Variants in PDGFA observed in about 807,000 individuals in gnomAD.
The protein encoded by PDGFA is platelet-derived growth factor subunit A.
Under a neutral mutation model 25.6 loss-of-function variants are expected in PDGFA, and 9 were observed. The ratio of observed to expected loss-of-function variants is 0.35; its 90% CI spans 0.21 to 0.61. The LOEUF (loss-of-function observed/expected upper bound fraction) is 0.61. Among genes scored for constraint, PDGFA ranks in the 20% least tolerant of loss-of-function variants. The probability of loss-of-function intolerance (pLI) is 0.75; values close to 1 mark genes in which losing one functional copy is unlikely to be tolerated. For missense variants in PDGFA, 242 were observed against 272.8 expected (o/e 0.89, Z 0.79); for synonymous variants, 133 against 111.8 (o/e 1.19, Z -1.20).
chr7:518,197 C>T (rs879607932), intron 1 of PDGFA, among the ~76,000 whole-genome samples: 26 of 152,310 alleles, frequency 1.7e-4, no homozygotes, highest in Admixed American at 1.6e-3. Flanking sequence ...CGGAGACCAC[C>T]CTCACCTCTG....
intron 4 of PDGFA, among the ~76,000 whole-genome samples, chr7:506,973 C>T (rs998749187): frequency 6.6e-6 from 1 of 152,236 alleles, no homozygotes; most frequent in Non-Finnish European, 1.5e-5. Flanking sequence ...CCCCTCCCGG[C>T]CAGCCCCAAC....
Position 500,630 on chromosome 7 carries a change from C to T in PDGFA, c.580+486G>A, listed in dbSNP as rs1782287918. ...AGGCCAGCACCCTGGCACCGAGAAA[C>T]TTCTGAGTCCCCTCATGCTCCCAGG... is the stretch of plus-strand genomic sequence containing the variant. On this transcript the variant is annotated intron_variant, in intron 5 of 5. Coordinates refer to ENST00000402802, the Ensembl canonical transcript of PDGFA. This position sits in a 1 kb window ranked among gnomAD's most constrained non-coding sequence, Gnocchi z 5.0. The T allele has an allele frequency of 6.7e-7, 1 of 1,499,526 alleles. No individual in the cohort carries two copies. The highest frequency in any genetic ancestry group is 1.3e-5 in the South Asian group (1 of 77,330). The allele number at this position is 1,499,526 out of a possible 1,614,324, so 92.9% of individuals were successfully genotyped here.
intron 5 of PDGFA, 23 bp from the exon 6 acceptor site, chr7:498,597 G>T: frequency 6.2e-7 from 1 of 1,609,128 alleles, no homozygotes; most frequent in Non-Finnish European, 8.5e-7. Flanking sequence ...GGGAAAGACA[G>T]ACACTGAGAC....
At chr7:512,657 T>G in intron 2 of PDGFA, 1 of 1,511,648 alleles carries the variant, frequency 6.6e-7, no homozygotes, top group Admixed American at 2.0e-5. Context: ...ATGCAGGGCA[T>G]GAAACACTGG....
chr7:517,448 T>G lies in PDGFA; in HGVS notation c.106A>C (p.Ser36Arg). The G allele has an allele frequency of 3.6e-6, 5 of 1,384,770 alleles. No homozygotes were observed. The highest frequency in any genetic ancestry group is 3.8e-6 in the Non-Finnish European group (4 of 1,054,458). The allele number at this position is 1,384,770 out of a possible 1,614,324, so 85.8% of individuals were successfully genotyped here. The change falls in exon 2 of 6, where the codon AGT becomes CGT. Residue 36 changes from serine to arginine, a missense_variant. By Grantham distance (110) the Ser-to-Arg change is moderately radical. This residue lies in a region of PDGFA where 113 missense variants were observed against 98.3 expected (regional missense o/e 1.15). Transcript: ENST00000402802. This position sits in a 1 kb window ranked among gnomAD's most constrained non-coding sequence, Gnocchi z 7.4. ...AGGTCCCGGATGCTGTGGATCTGACTGCGGGCCAGCCTCTCGATCACCTCG... is the reference window on the plus strand; with the variant it reads ...AGGTCCCGGATGCTGTGGATCTGACGGCGGGCCAGCCTCTCGATCACCTCG...
rs895621055 is a variant in PDGFA, at chr7:500,579, G to T, written c.580+537C>A. 1.2e-6 allele frequency: 2 copies of T among 1,607,600 alleles called. No homozygotes were observed. Among genetic ancestry groups the T allele is most frequent in the African/African-American group, 2.7e-5 (2 of 74,632 alleles). ...AGAACTGAAGCAACAAATACCTACG[G>T]CATTTGTTTATCTTTCCAGAAGAGA... On this transcript the variant is annotated intron_variant, in intron 5 of 5. Coordinates refer to ENST00000402802, the Ensembl canonical transcript of PDGFA. The surrounding 1 kb of genome is among the most constrained non-coding windows in gnomAD (Gnocchi z 5.0).
chr7:512,598 A>T, intron 2 of PDGFA, 143 bp from the exon 3 acceptor site: 2 of 1,544,634 alleles, frequency 1.3e-6, no homozygotes, highest in Non-Finnish European at 1.7e-6. Flanking sequence ...AGCTCCCGCC[A>T]TTAGGGGCCC....
Position 502,469 on chromosome 7 carries a change from G to A in PDGFA, c.454-1227C>T, listed in dbSNP as rs537586465. On this transcript the variant is annotated intron_variant, in intron 4 of 5. Transcript: ENST00000402802. ...GAGAGGCCTGACCTCGGAAACCAGG[G>A]CCAGGGATCCTGGGCCATCACCGAG... Among the ~76,000 whole-genome samples the A allele has an allele frequency of 7.2e-4, 108 of 149,210 alleles. 1 individual carries two copies. The highest frequency in any genetic ancestry group is 2.6e-3 in the African/African-American group (105 of 40,496).
At chr7:508,748 G>A (rs1277510670) in intron 4 of PDGFA, among the ~76,000 whole-genome samples, 3 of 152,058 alleles carry the variant, frequency 2.0e-5, no homozygotes, top group East Asian at 1.9e-4. Flanking sequence ...TTTCCAGGGA[G>A]AAGAGCCCTA....
Position 510,792 on chromosome 7 carries a change from G to GGGAGGGGAGA in PDGFA, c.453+16_453+17insTCTCCCCTCC. 2.3e-6 allele frequency: 3 copies of GGGAGGGGAGA among 1,304,304 alleles called. No homozygotes were observed. Among genetic ancestry groups the GGGAGGGGAGA allele is most frequent in the Non-Finnish European group, 3.1e-6 (3 of 962,940 alleles). The allele number at this position is 1,304,304 out of a possible 1,614,324, so 80.8% of individuals were successfully genotyped here. On this transcript the variant is annotated intron_variant, in intron 4 of 5. Coordinates refer to ENST00000402802, the Ensembl canonical transcript of PDGFA. ...AGGAGGGGAGGGGAGGGGAGGGGAG[G>GGGAGGGGAGA]GGAGGGGAGGGCTCACCTTGACGCT...
chr7:508,610 G>A (rs1043322838), intron 4 of PDGFA, among the ~76,000 whole-genome samples: 9 of 140,598 alleles, frequency 6.4e-5, no homozygotes, highest in Non-Finnish European at 9.1e-5. Flanking sequence ...GGCCAAGCCA[G>A]GAGGCTCTGA....
intron 5 of PDGFA, among the ~76,000 whole-genome samples, chr7:499,457 C>T (rs886480190): frequency 2.0e-5 from 3 of 152,240 alleles, no homozygotes; most frequent in East Asian, 3.9e-4. Flanking sequence ...TGGAGTCCCA[C>T]GTGCCAGGAG....
At chr7:509,190 G>A (rs1480818079) in intron 4 of PDGFA, among the ~76,000 whole-genome samples, 3 of 152,254 alleles carry the variant, frequency 2.0e-5, no homozygotes, top group Admixed American at 2.0e-4. Context: ...AGGCCCTGCT[G>A]TGGCAGGAAC....
Position 512,332 on chromosome 7 carries a change from C to T in PDGFA, c.265+19G>A, listed in dbSNP as rs750945014. The T allele has an allele frequency of 6.2e-6, 10 of 1,602,274 alleles. No individual in the cohort carries two copies. Among genetic ancestry groups the T allele is most frequent in the East Asian group, 2.2e-5 (1 of 44,704 alleles). ...CCTGACCCGGCCCTGCCCTGCCCAT[C>T]GCGGCCTCCTGGACTCACCGATGCT... On this transcript the variant is annotated intron_variant, in intron 3 of 5. Coordinates refer to ENST00000402802, the Ensembl canonical transcript of PDGFA.
chr7:515,250 A>C (rs1257577439), intron 2 of PDGFA, among the ~76,000 whole-genome samples: 1 of 152,126 alleles, frequency 6.6e-6, no homozygotes, highest in South Asian at 2.1e-4. Flanking sequence ...CCCCTTCCTC[A>C]TGAGCCCCTG....
chr7:514,468 C>A (rs1402542982), intron 2 of PDGFA, among the ~76,000 whole-genome samples: 1 of 152,192 alleles, frequency 6.6e-6, no homozygotes, highest in Non-Finnish European at 1.5e-5. Flanking sequence ...GAGTGGACCA[C>A]GCTCACCAAA....
rs1197948133 is a variant in PDGFA at position 497,964 on chromosome 7, A to C, written c.*600T>G. On this transcript the variant is annotated 3_prime_UTR_variant, in exon 6 of 6. Coordinates refer to ENST00000402802, the Ensembl canonical transcript of PDGFA. ...TAAAAAAAAAAAAAAAAAAACAAAA[A>C]AAAAAAAAACAAAACAAAAACAAAA... 1.1e-3 allele frequency: 148 copies of C among 134,974 alleles called. 1 individual carries two copies. Among genetic ancestry groups the C allele is most frequent in the African/African-American group, 3.6e-3 (129 of 36,128 alleles). The allele number at this position is 134,974 out of a possible 1,614,324, so 8.4% of individuals were successfully genotyped here.
At position 517,512 on chromosome 7, in the gene PDGFA, TC is replaced by T; in HGVS notation, c.64-23del. On this transcript the variant is annotated intron_variant, in intron 1 of 5. Coordinates refer to ENST00000402802, the Ensembl canonical transcript of PDGFA. This position sits in a 1 kb window ranked among gnomAD's most constrained non-coding sequence, Gnocchi z 7.4. ...CTTCCTGCAAGCAGAGGCCACACGGTCAGCGCCCGCGGCCCCGACCCCGCCG... is the reference window on the plus strand; with the variant it reads ...CTTCCTGCAAGCAGAGGCCACACGGTAGCGCCCGCGGCCCCGACCCCGCCG... 1 of 1,187,194 alleles carries T rather than the reference TC, an allele frequency of 8.4e-7. No individual in the cohort carries two copies. The allele number at this position is 1,187,194 out of a possible 1,614,324, so 73.5% of individuals were successfully genotyped here.
At chr7:516,397 C>G (rs1015593711) in intron 2 of PDGFA, among the ~76,000 whole-genome samples, 18 of 152,172 alleles carry the variant, frequency 1.2e-4, no homozygotes, top group Non-Finnish European at 1.5e-5. Flanking sequence ...CGCATGCCCC[C>G]CCTTTTTCAG....
Sources: gnomAD v4.1 joint callset for allele counts (sites outside exome capture counted in the v4.1 genomes callset) on GRCh38, gnomAD v4.1.1 for gene constraint, gnomAD v4.1.1 regional missense constraint, Gnocchi (gnomAD v3.1) non-coding constraint, MANE v1.5 for transcripts, NCBI Gene and HGNC (gene_info 2026-07-23, HGNC 2026-07-21) for gene names.